Variants in PDE3A observed in about 807,000 individuals in gnomAD.
The protein encoded by PDE3A is phosphodiesterase 3A.
PDE3A carries 43 observed loss-of-function variants against 98.3 expected under a neutral mutation model. That is an observed-to-expected ratio of 0.44 (90% CI 0.34 to 0.56). The LOEUF (loss-of-function observed/expected upper bound fraction) is 0.56. Ranked by LOEUF, PDE3A falls within the 20% of genes least tolerant of loss-of-function variation. The pLI is 0.01. For missense variants in PDE3A, 1,427 were observed against 1,440.7 expected, an observed-to-expected ratio of 0.99 and a Z score of 0.15; for synonymous variants, 663 against 567.9, an observed-to-expected ratio of 1.17 and a Z score of -2.38.
chr12:20,433,809 T>C (rs1014888292), intron 1 of PDE3A, among the ~76,000 whole-genome samples: 2 of 152,114 alleles, frequency 1.3e-5, no homozygotes, highest in African/African-American at 4.8e-5. Context: ...TTGTAGAATG[T>C]TTCTTAAGGC....
At chr12:20,537,633 CTTTA>C (rs1174068147) in intron 1 of PDE3A, among the ~76,000 whole-genome samples, 1 of 151,982 alleles carries the variant, frequency 6.6e-6, no homozygotes, top group Non-Finnish European at 1.5e-5. Flanking sequence ...ATGTTGTTTG[CTTTA>C]TTTCTTACTC....
At chr12:20,436,116 T>G (rs2120821709) in intron 1 of PDE3A, among the ~76,000 whole-genome samples, 1 of 152,266 alleles carries the variant, frequency 6.6e-6, no homozygotes, top group African/African-American at 2.4e-5. Flanking sequence ...CAGGTTCCAC[T>G]CCAGATGGCT....
intron 1 of PDE3A, among the ~76,000 whole-genome samples, chr12:20,444,212 G>C (rs778852474): frequency 2.0e-5 from 3 of 152,224 alleles, no homozygotes; most frequent in Non-Finnish European, 2.9e-5. Flanking sequence ...AGTACCTGTA[G>C]CTGAGTTTTC....
At chr12:20,554,861 G>A (rs752270310) in intron 1 of PDE3A, among the ~76,000 whole-genome samples, 1 of 151,820 alleles carries the variant, frequency 6.6e-6, no homozygotes, top group Non-Finnish European at 1.5e-5. Flanking sequence ...TATTTTTGAT[G>A]TTTTCTTGCT....
intron 15 of PDE3A, among the ~76,000 whole-genome samples, chr12:20,669,400 G>T (rs1945409557): frequency 6.6e-6 from 1 of 151,780 alleles, no homozygotes; most frequent in Non-Finnish European, 1.5e-5. Flanking sequence ...ATAATTGTCA[G>T]ATTCACCAAA....
intron 1 of PDE3A, among the ~76,000 whole-genome samples, chr12:20,488,774 C>T (rs753211253): frequency 2.0e-5 from 3 of 151,276 alleles, no homozygotes; most frequent in African/African-American, 7.3e-5. Flanking sequence ...CCCAGCTACT[C>T]GAGAGGCTGA....
chr12:20,685,065 T>G lies in PDE3A; in HGVS notation c.*4794T>G, dbSNP rs1450950969. ...CTTTTACCTAACTTGAAGTGCTTTT[T>G]GTGTTCCCACCAGCAAATCATTCTA... is the stretch of plus-strand genomic sequence containing the variant. On this transcript the variant is annotated 3_prime_UTR_variant, in exon 16 of 16. Transcript: ENST00000359062. 6.6e-6 allele frequency among the ~76,000 whole-genome samples: 1 copy of G among 152,208 alleles called. No individual in the cohort carries two copies. The highest frequency in any genetic ancestry group is 2.4e-5 in the African/African-American group (1 of 41,450).
At chr12:20,381,935 A>G (rs1211063298) in intron 1 of PDE3A, among the ~76,000 whole-genome samples, 1 of 151,870 alleles carries the variant, frequency 6.6e-6, no homozygotes, top group Non-Finnish European at 1.5e-5. Context: ...ACTATTGTTT[A>G]TGAATTATAA....
At chr12:20,485,115 A>T (rs1945702570) in intron 1 of PDE3A, among the ~76,000 whole-genome samples, 1 of 152,206 alleles carries the variant, frequency 6.6e-6, no homozygotes, top group East Asian at 1.9e-4. Context: ...CTTAAACAAT[A>T]GGAATGCATT....
intron 10 of PDE3A, among the ~76,000 whole-genome samples, chr12:20,644,591 G>A (rs1354163354): frequency 6.6e-6 from 1 of 152,060 alleles, no homozygotes; most frequent in Non-Finnish European, 1.5e-5. Context: ...TTCATAAATA[G>A]CCCAAGTACA....
At chr12:20,658,361 C>G (rs1200384477) in intron 15 of PDE3A, among the ~76,000 whole-genome samples, 2 of 152,146 alleles carry the variant, frequency 1.3e-5, no homozygotes, top group South Asian at 2.1e-4. Context: ...TTACTTACAT[C>G]CAGCCCAGGT....
intron 1 of PDE3A, among the ~76,000 whole-genome samples, chr12:20,393,274 C>G (rs1943951994): frequency 6.6e-6 from 1 of 151,772 alleles, no homozygotes; most frequent in Admixed American, 6.6e-5. Context: ...CAAGGGGGAC[C>G]AAGTCACATC....
intron 2 of PDE3A, among the ~76,000 whole-genome samples, chr12:20,574,767 A>G (rs1592071484): frequency 6.6e-6 from 1 of 152,084 alleles, no homozygotes; most frequent in East Asian, 1.9e-4. Context: ...ACAAGGTCAC[A>G]TTTGTCTCAC....
chr12:20,376,645 T>C (rs1385036502), intron 1 of PDE3A, among the ~76,000 whole-genome samples: 1 of 151,914 alleles, frequency 6.6e-6, no homozygotes, highest in African/African-American at 2.4e-5. Flanking sequence ...ATTTTCAATA[T>C]GTTTATTTTT....
chr12:20,451,602 C>A (rs1394742016), intron 1 of PDE3A, among the ~76,000 whole-genome samples: 2 of 152,200 alleles, frequency 1.3e-5, no homozygotes, highest in African/African-American at 2.4e-5. Context: ...CAAGTACACC[C>A]AGCCTCATTA....
chr12:20,604,573 A>T (rs1592102335), intron 2 of PDE3A, among the ~76,000 whole-genome samples: 1 of 152,304 alleles, frequency 6.6e-6, no homozygotes, highest in Admixed American at 6.5e-5. Flanking sequence ...TAACACCGCA[A>T]TTACATTATG....
chr12:20,385,549 A>G (rs1416350842), intron 1 of PDE3A, among the ~76,000 whole-genome samples: 2 of 151,906 alleles, frequency 1.3e-5, no homozygotes, highest in Non-Finnish European at 2.9e-5. Context: ...CAAATGTCCA[A>G]CAATGATAGA....
chr12:20,559,788 T>C (rs1262245124), intron 2 of PDE3A, among the ~76,000 whole-genome samples: 2 of 152,106 alleles, frequency 1.3e-5, no homozygotes, highest in African/African-American at 4.8e-5. Context: ...AGGTGTGGCT[T>C]TAAGGATGGG....
chr12:20,680,479 C>T lies in PDE3A; in HGVS notation c.*208C>T. ...GCTCAAAGAAGCTTTCACATTGCAACACCAGCTTCTAAGGATTTTTTAAGG... is the reference window on the plus strand; with the variant it reads ...GCTCAAAGAAGCTTTCACATTGCAATACCAGCTTCTAAGGATTTTTTAAGG... On this transcript the variant is annotated 3_prime_UTR_variant, in exon 16 of 16. Coordinates refer to ENST00000359062, the MANE Select transcript of PDE3A (RefSeq NM_000921.5). 3.6e-6 allele frequency: 2 copies of T among 548,042 alleles called. No homozygotes were observed. Among genetic ancestry groups the T allele is most frequent in the Non-Finnish European group, 6.6e-6 (2 of 303,634 alleles). 33.9% of individuals were successfully genotyped at this position (548,042 alleles called of 1,614,324 possible).
Sources: allele counts gnomAD v4.1 joint callset (sites outside exome capture counted in the v4.1 genomes callset), GRCh38; gene constraint gnomAD v4.1.1; transcripts MANE v1.5; gene names NCBI Gene and HGNC (gene_info 2026-07-23, HGNC 2026-07-21).